Variants in MAPKAP1 observed in about 807,000 individuals in gnomAD.
MAPKAP1 encodes the protein target of rapamycin complex 2 subunit MAPKAP1.
In MAPKAP1, 20 loss-of-function variants were observed where a neutral mutation model predicts 65.7. The ratio of observed to expected loss-of-function variants is 0.30; its 90% CI spans 0.21 to 0.44. The LOEUF (loss-of-function observed/expected upper bound fraction) is 0.44, where lower values mean the gene tolerates loss of function less well. Among genes scored for constraint, MAPKAP1 ranks in the 20% least tolerant of loss-of-function variants. The pLI is 1.00. For missense variants in MAPKAP1, 423 were observed against 648.0 expected, an observed-to-expected ratio of 0.65 and a Z score of 3.77; for synonymous variants, 222 against 244.3, an observed-to-expected ratio of 0.91 and a Z score of 0.85.
At chr9:125,690,276 T>A (rs570294727) in intron 1 of MAPKAP1, among the ~76,000 whole-genome samples, 1 of 152,206 alleles carries the variant, frequency 6.6e-6, no homozygotes. Flanking sequence ...GGCTCCCTGA[T>A]CAGAAACTTC....
chr9:125,560,940 C>G (rs762417725), intron 5 of MAPKAP1, among the ~76,000 whole-genome samples: 50 of 152,202 alleles, frequency 3.3e-4, no homozygotes, highest in Non-Finnish European at 7.2e-4. Context: ...TACCAACATA[C>G]AGACAGTGTA....
chr9:125,466,283 G>A (rs935528687), intron 10 of MAPKAP1, among the ~76,000 whole-genome samples: 4 of 151,890 alleles, frequency 2.6e-5, no homozygotes, highest in Admixed American at 6.5e-5. Context: ...CACCCACCCC[G>A]TACCCCTGAG....
intron 4 of MAPKAP1, among the ~76,000 whole-genome samples, chr9:125,645,612 C>T (rs925157431): frequency 6.6e-6 from 1 of 152,020 alleles, no homozygotes; most frequent in African/African-American, 2.4e-5. Context: ...TGGCAGGTGC[C>T]TGTAGTCCCA....
chr9:125,493,676 AG>A (rs1158645004), intron 8 of MAPKAP1, among the ~76,000 whole-genome samples: 1 of 152,254 alleles, frequency 6.6e-6, no homozygotes, highest in Non-Finnish European at 1.5e-5. Context: ...TGTCAAGGAC[AG>A]GGGTTCTGCC....
At chr9:125,486,331 T>G (rs1305105028) in intron 8 of MAPKAP1, among the ~76,000 whole-genome samples, 1 of 152,118 alleles carries the variant, frequency 6.6e-6, no homozygotes, top group Non-Finnish European at 1.5e-5. Context: ...CCATCACCAG[T>G]GCAGGGGGTA....
chr9:125,671,059 A>C (rs2131797886), intron 2 of MAPKAP1, among the ~76,000 whole-genome samples: 1 of 152,338 alleles, frequency 6.6e-6, no homozygotes, highest in South Asian at 2.1e-4. Flanking sequence ...TGAAGGGTAC[A>C]GCCAAAGTAA....
chr9:125,486,338 G>T (rs140991652), intron 8 of MAPKAP1, among the ~76,000 whole-genome samples: 1 of 152,184 alleles, frequency 6.6e-6, no homozygotes. Context: ...CAGTGCAGGG[G>T]GTAGAATGGG....
intron 1 of MAPKAP1, among the ~76,000 whole-genome samples, chr9:125,696,627 C>T (rs1564621607): frequency 1.3e-5 from 2 of 151,158 alleles, no homozygotes; most frequent in African/African-American, 2.4e-5. Flanking sequence ...AAACAAAAAA[C>T]CTTAAGCTTA....
intron 4 of MAPKAP1, among the ~76,000 whole-genome samples, chr9:125,610,581 C>T (rs762495683): frequency 2.0e-5 from 3 of 152,176 alleles, no homozygotes; most frequent in Non-Finnish European, 2.9e-5. Flanking sequence ...CACAACCCAC[C>T]ACCACCAAAG....
chr9:125,522,370 G>A (rs1164170049), intron 7 of MAPKAP1, among the ~76,000 whole-genome samples: 2 of 152,134 alleles, frequency 1.3e-5, no homozygotes, highest in Non-Finnish European at 1.5e-5. Flanking sequence ...AATTAAATCA[G>A]TTGGTTCATC....
chr9:125,561,864 T>C (rs1830903706), intron 5 of MAPKAP1, among the ~76,000 whole-genome samples: 1 of 152,244 alleles, frequency 6.6e-6, no homozygotes, highest in South Asian at 2.1e-4. Flanking sequence ...AACTTATAGT[T>C]GCACCAATCC....
chr9:125,599,845 G>A (rs753494140), intron 4 of MAPKAP1: 1 of 152,226 alleles, frequency 6.6e-6, no homozygotes, highest in Non-Finnish European at 1.5e-5. Flanking sequence ...CTCAGGTGAC[G>A]TGGCTGCTTG....
At chr9:125,575,577 G>T (rs1831368775) in intron 5 of MAPKAP1, among the ~76,000 whole-genome samples, 1 of 152,144 alleles carries the variant, frequency 6.6e-6, no homozygotes. Context: ...CACCAAAGAA[G>T]ACAAACGGTA....
intron 4 of MAPKAP1, among the ~76,000 whole-genome samples, chr9:125,601,911 T>A (rs933929350): frequency 6.6e-6 from 1 of 152,228 alleles, no homozygotes; most frequent in Non-Finnish European, 1.5e-5. Flanking sequence ...TACATTGTGA[T>A]ACAACTGCAA....
intron 5 of MAPKAP1, among the ~76,000 whole-genome samples, chr9:125,572,609 G>C (rs1393372976): frequency 6.6e-6 from 1 of 152,180 alleles, no homozygotes; most frequent in East Asian, 1.9e-4. Context: ...GTGAACCAAA[G>C]AGTGATCTCT....
intron 7 of MAPKAP1, among the ~76,000 whole-genome samples, chr9:125,517,748 G>A (rs1829504131): frequency 6.6e-6 from 1 of 152,148 alleles, no homozygotes; most frequent in African/African-American, 2.4e-5. Context: ...AATGGGCTCT[G>A]GGGAGGAGCA....
chr9:125,507,040 T>C (rs1222946971), intron 7 of MAPKAP1, among the ~76,000 whole-genome samples: 3 of 152,180 alleles, frequency 2.0e-5, no homozygotes, highest in Non-Finnish European at 4.4e-5. Flanking sequence ...TGAGTTACGA[T>C]GATGAAAAGA....
At chr9:125,635,603 C>G (rs1833401175) in intron 4 of MAPKAP1, among the ~76,000 whole-genome samples, 1 of 152,184 alleles carries the variant, frequency 6.6e-6, no homozygotes, top group Non-Finnish European at 1.5e-5. Flanking sequence ...GGAATGTAAT[C>G]TAAACACTAT....
chr9:125,504,543 A>C (rs1829081828), intron 8 of MAPKAP1, among the ~76,000 whole-genome samples: 1 of 152,200 alleles, frequency 6.6e-6, no homozygotes. Flanking sequence ...TGGGAGGCCA[A>C]GATGGATGGA....
Sources: gnomAD v4.1 joint callset for allele counts (sites outside exome capture counted in the v4.1 genomes callset) on GRCh38, gnomAD v4.1.1 for gene constraint, MANE v1.5 for transcripts, NCBI Gene and HGNC (gene_info 2026-07-23, HGNC 2026-07-21) for gene names.